CBARP: variants seen among roughly 807,000 people sequenced by gnomAD.
The protein encoded by CBARP is CACN subunit beta associated regulatory protein, also known as voltage-dependent calcium channel beta subunit-associated regulatory protein.
Under a neutral mutation model 36.3 loss-of-function variants are expected in CBARP, and 24 were observed. The observed-to-expected ratio is 0.66, with a 90% CI of 0.48 to 0.93. The LOEUF (loss-of-function observed/expected upper bound fraction) is 0.93, where lower values mean the gene tolerates loss of function less well. CBARP is among the 40% of genes least tolerant of loss of function. The pLI, the probability that CBARP is intolerant of heterozygous loss-of-function variation, is 0.00. For missense variants in CBARP, 1,146 were observed against 980.4 expected, an observed-to-expected ratio of 1.17 and a Z score of -2.26; for synonymous variants, 586 against 453.2, an observed-to-expected ratio of 1.29 and a Z score of -3.72.
Position 1,229,438 on chromosome 19 carries a change from T to C in CBARP, c.1859A>G (p.Asp620Gly). 2 of 987,756 alleles carry C rather than the reference T, an allele frequency of 2.0e-6. No homozygotes were observed. Among genetic ancestry groups the C allele is most frequent in the Non-Finnish European group, 2.4e-6 (2 of 832,378 alleles). The allele number at this position is 987,756 out of a possible 1,614,324, so 61.2% of individuals were successfully genotyped here. A position where few individuals can be genotyped will look rare whatever the true frequency, so the allele number is the denominator to read the frequency against. Residue 620 changes from aspartate (D) to glycine (G), a missense_variant, in exon 10 of 10, where the codon GAC becomes GGC. Coordinates refer to ENST00000650044, the MANE Select transcript of CBARP (RefSeq NM_001393918.1). The surrounding 1 kb of genome is among the most constrained non-coding windows in gnomAD (Gnocchi z 5.1). ...RPARAPLRRG[D>G]SVDGPPDGRT... ...ACCGTCGGGCGGGCCGTCCACGCTG[T>C]CGCCGCGCCGCAAGGGCGCACGCGC...
chr19:1,235,490 C>T lies in CBARP; in HGVS notation c.310+11G>A, dbSNP rs773173671. The T allele has an allele frequency of 6.3e-7, 1 of 1,579,030 alleles. No individual in the cohort carries two copies. The highest frequency in any genetic ancestry group is 1.9e-5 in the Admixed American group (1 of 52,262). ...CAGGCGAGCGCACAGCCAGGCTGGC[C>T]AGCACCTCACCTTGGGCTGGGTGGG... On this transcript the variant is annotated intron_variant, in intron 4 of 9. Transcript: ENST00000650044.
intron 9 of CBARP, chr19:1,230,817 C>G: frequency 6.8e-7 from 1 of 1,469,470 alleles, no homozygotes; most frequent in East Asian, 2.5e-5. Flanking sequence ...ACCCTTCAGG[C>G]CTCGGACTCC....
chr19:1,230,368 G>A (rs1374275226), intron 9 of CBARP: 2 of 987,020 alleles, frequency 2.0e-6, no homozygotes, highest in East Asian at 1.1e-4. Flanking sequence ...CCTCCATGCT[G>A]GACTGCAGAC....
At chr19:1,230,900 G>T (rs373552551) in intron 9 of CBARP, 17 of 1,564,102 alleles carry the variant, frequency 1.1e-5, no homozygotes, top group Non-Finnish European at 1.5e-5. Context: ...CCCTTACCCA[G>T]TCTCTCCCTG....
Position 1,235,913 on chromosome 19 carries a change from C to A in CBARP, c.111G>T (p.Glu37Asp). The A allele has an allele frequency of 6.2e-7, 1 of 1,611,338 alleles. No individual in the cohort carries two copies. The highest frequency in any genetic ancestry group is 8.5e-7 in the Non-Finnish European group (1 of 1,179,610). ...WDNATGRPTA[E>D]PDPILDNYVL... ...CGTAGTTGTCCAGGATGGGGTCTGG[C>A]TCTGCCTGCGGGTGTGCAGGGGGGG... is the stretch of plus-strand genomic sequence containing the variant. The change falls in exon 3 of 10, where the codon GAG becomes GAT. Residue 37 changes from glutamate to aspartate, a missense_variant. Transcript: ENST00000650044.
At position 1,231,064 on chromosome 19, in the gene CBARP, A is replaced by T. The variant is rs2080884352; in HGVS notation, c.1154+37T>A. The T allele has an allele frequency of 1.9e-6, 3 of 1,573,338 alleles. No individual in the cohort carries two copies. In the African/African-American group the frequency reaches 4.1e-5, roughly 21 times the overall value. On this transcript the variant is annotated intron_variant, in intron 9 of 9. Transcript: ENST00000650044. ...GGGGCGAAGGGGGGCAAGGGCCCAC[A>T]GGTCCACCCCTAGCACCTCCATCTA...
chr19:1,230,026 T>A lies in CBARP; in HGVS notation c.1271A>T (p.Asp424Val). The change falls in exon 10 of 10, where the codon GAC becomes GTC. Residue 424 changes from aspartate (D) to valine (V), a missense_variant. Physicochemically the swap from Asp to Val is radical, Grantham distance 152. Transcript: ENST00000650044. ...QPPLEPDAERDAGPEQAQTSY... is the reference protein window; with the variant it reads ...QPPLEPDAERVAGPEQAQTSY... Reference sequence around the variant, plus strand: ...GGTCTGGGCCTGCTCGGGGCCCGCGTCCCGCTCGGCGTCCGGCTCCAGTGG... The same window carrying A: ...GGTCTGGGCCTGCTCGGGGCCCGCGACCCGCTCGGCGTCCGGCTCCAGTGG... The A allele has an allele frequency of 1.6e-6, 2 of 1,227,570 alleles. No individual in the cohort carries two copies. The highest frequency in any genetic ancestry group is 2.1e-6 in the Non-Finnish European group (2 of 962,808). 76.0% of individuals were successfully genotyped at this position (1,227,570 alleles called of 1,614,324 possible).
intron 8 of CBARP, 97 bp downstream of exon 8, chr19:1,233,329 C>T: frequency 7.9e-7 from 1 of 1,263,690 alleles, no homozygotes; most frequent in Non-Finnish European, 1.1e-6. Context: ...GCTCCCCACC[C>T]AGCCCACAAC....
intron 7 of CBARP, 69 bp downstream of exon 7, chr19:1,234,122 A>G (rs950907896): frequency 2.8e-6 from 4 of 1,419,230 alleles, no homozygotes; most frequent in East Asian, 5.3e-5. Context: ...TTGGTCCTGG[A>G]CTGGGGACAG....
At chr19:1,236,234 C>T in intron 1 of CBARP, 113 bp from the exon 2 acceptor site, 1 of 1,314,206 alleles carries the variant, frequency 7.6e-7, no homozygotes, top group Non-Finnish European at 9.7e-7. Flanking sequence ...GGGGCAGTGA[C>T]TCATGGAGAG....
upstream of CBARP, chr19:1,238,075 G>A (rs1270274121): frequency 1.3e-5 from 2 of 148,600 alleles, no homozygotes; most frequent in Non-Finnish European, 3.0e-5. Context: ...CTGCGCTCCC[G>A]GGCGCCCACT....
At chr19:1,233,162 G>A (rs1451215633) in intron 8 of CBARP, among the ~76,000 whole-genome samples, 2 of 152,192 alleles carry the variant, frequency 1.3e-5, no homozygotes, top group Non-Finnish European at 2.9e-5. Context: ...CCAATGGCCC[G>A]AGAGCAGTCG....
chr19:1,236,245 G>A (rs923735388), intron 1 of CBARP, 124 bp from the exon 2 acceptor site: 6 of 1,286,696 alleles, frequency 4.7e-6, no homozygotes, highest in African/African-American at 1.5e-5. Context: ...TCATGGAGAG[G>A]TAGCAGAGCC....
In CBARP at chr19:1,235,142, G is replaced by A; in HGVS notation, c.314C>T (p.Pro105Leu). 1 of 1,576,388 alleles carries A rather than the reference G, an allele frequency of 6.3e-7. No homozygotes were observed. Among genetic ancestry groups the A allele is most frequent in the East Asian group, 2.3e-5 (1 of 42,688 alleles). Residue 105 changes from proline to leucine, a missense_variant, in exon 5 of 10, where the codon CCC becomes CTC. Physicochemically the swap from Pro to Leu is moderately conservative, Grantham distance 98. Coordinates refer to ENST00000650044, the MANE Select transcript of CBARP (RefSeq NM_001393918.1). ...LDNGTHPAQD[P>L]DFRGEDPECQ... ...CTCGGGGTCCTCTCCCCGGAAGTCG[G>A]GGTCTGCGTGGAGAGGCAGGAGAGG... is the stretch of plus-strand genomic sequence containing the variant.
intron 1 of CBARP, 81 bp from the exon 2 acceptor site, chr19:1,236,202 G>T: frequency 7.5e-7 from 1 of 1,341,578 alleles, no homozygotes; most frequent in Non-Finnish European, 9.5e-7. Context: ...GGTCTTCCCT[G>T]CAGGAGCAGG....
intron 8 of CBARP, 30 bp downstream of exon 8, chr19:1,233,396 G>A (rs867965689): frequency 6.5e-7 from 1 of 1,541,662 alleles, no homozygotes; most frequent in Middle Eastern, 1.7e-4. Context: ...GCCCACAGGG[G>A]CCCACTCTCC....
intron 1 of CBARP, among the ~76,000 whole-genome samples, chr19:1,236,852 G>T (rs989550288): frequency 2.3e-4 from 29 of 127,250 alleles, no homozygotes; most frequent in African/African-American, 7.5e-4. Context: ...GCGGCGGCCT[G>T]GGGGGGGGCG....
At chr19:1,230,641 C>T in intron 9 of CBARP, 1 of 1,265,808 alleles carries the variant, frequency 7.9e-7, no homozygotes, top group Non-Finnish European at 9.9e-7. Flanking sequence ...CCCCACGCCC[C>T]ATTCCCATCC....
At chr19:1,230,637 G>A (rs2080877508) in intron 9 of CBARP, 5 of 1,252,822 alleles carry the variant, frequency 4.0e-6, no homozygotes, top group Non-Finnish European at 5.0e-6. Context: ...CCAGCCCCAC[G>A]CCCCATTCCC....
Sources: gnomAD v4.1 joint callset for allele counts (sites outside exome capture counted in the v4.1 genomes callset) on GRCh38, gnomAD v4.1.1 for gene constraint, Gnocchi (gnomAD v3.1) non-coding constraint, MANE v1.5 for transcripts, NCBI Gene and HGNC (gene_info 2026-07-23, HGNC 2026-07-21) for gene names.